RNF182: variants seen among roughly 807,000 people sequenced by gnomAD.
The protein encoded by RNF182 is E3 ubiquitin-protein ligase RNF182.
In RNF182, 15 loss-of-function variants were observed where a neutral mutation model predicts 14.4. The ratio of observed to expected loss-of-function variants is 1.04; its 90% CI spans 0.70 to 1.60. RNF182 has a LOEUF of 1.60. RNF182 is among the 40% of genes most tolerant of loss of function. The probability of loss-of-function intolerance (pLI) is 0.00; values close to 1 mark genes in which losing one functional copy is unlikely to be tolerated. For missense variants in RNF182, 268 were observed against 294.8 expected (o/e 0.91, Z 0.67); for synonymous variants, 128 against 122.9 (o/e 1.04, Z -0.27).
chr6:13,925,294 A>G (rs1349910451), intron 1 of RNF182: 2 of 151,226 alleles, frequency 1.3e-5, no homozygotes, highest in Non-Finnish European at 1.5e-5. Flanking sequence ...GCACCTGCTC[A>G]GGGAGCTGCC....
In RNF182 at chr6:13,977,985, T is replaced by A; in HGVS notation, c.*122T>A. 2 of 1,109,834 alleles carry A rather than the reference T, an allele frequency of 1.8e-6. No homozygotes were observed. The highest frequency in any genetic ancestry group is 2.5e-6 in the Non-Finnish European group (2 of 784,924). 68.7% of individuals were successfully genotyped at this position (1,109,834 alleles called of 1,614,324 possible). A position where few individuals can be genotyped will look rare whatever the true frequency, so the allele number is the denominator to read the frequency against. ...GTATCCATGACATTAACAAAACCCT[T>A]GGCCACATGTTGACTTGATTGGTTT... On this transcript the variant is annotated 3_prime_UTR_variant, in exon 3 of 3. Coordinates refer to ENST00000488300, the MANE Select transcript of RNF182 (RefSeq NM_152737.4).
At chr6:13,946,073 G>A (rs963228276) in intron 1 of RNF182, among the ~76,000 whole-genome samples, 2 of 151,732 alleles carry the variant, frequency 1.3e-5, no homozygotes, top group South Asian at 2.1e-4. Context: ...ACAAGGGTTT[G>A]TGACAAAGTA....
At chr6:13,941,318 T>TG (rs1300396547) in intron 1 of RNF182, among the ~76,000 whole-genome samples, 7 of 152,154 alleles carry the variant, frequency 4.6e-5, no homozygotes, top group Admixed American at 4.6e-4. Context: ...GCTCTCATAA[T>TG]GGTTCTTGAC....
intron 1 of RNF182, among the ~76,000 whole-genome samples, chr6:13,950,020 C>T (rs1414175758): frequency 6.6e-6 from 1 of 152,178 alleles, no homozygotes; most frequent in Non-Finnish European, 1.5e-5. Context: ...TTCTATCTAA[C>T]TTAAAATAAT....
intron 1 of RNF182, among the ~76,000 whole-genome samples, chr6:13,929,571 T>C (rs1758914480): frequency 6.6e-6 from 1 of 152,252 alleles, no homozygotes; most frequent in South Asian, 2.1e-4. Flanking sequence ...ATCAAACCTT[T>C]ATGAATTCTT....
intron 1 of RNF182, among the ~76,000 whole-genome samples, chr6:13,931,172 C>A (rs1013784455): frequency 3.3e-5 from 5 of 152,078 alleles, no homozygotes; most frequent in African/African-American, 1.2e-4. Context: ...AGACAGAGAA[C>A]CCCTATCCTC....
At position 13,938,981 on chromosome 6, in the gene RNF182, G is replaced by A. The variant is rs1759214241; in HGVS notation, c.-367+13958G>A. ...GCCTGTAATCCCAGCTACTTGGGTG[G>A]CTGAGGCATGTGAATTGCTTGAACC... On this transcript the variant is annotated intron_variant, in intron 1 of 2. Transcript: ENST00000488300. Among the ~76,000 whole-genome samples, 4 of 152,284 alleles carry A rather than the reference G, an allele frequency of 2.6e-5. No homozygotes were observed. The South Asian group carries it at 8.3e-4, about 32-fold the overall frequency.
chr6:13,965,127 A>G (rs1209360965), intron 1 of RNF182, among the ~76,000 whole-genome samples: 4 of 152,224 alleles, frequency 2.6e-5, no homozygotes, highest in African/African-American at 9.6e-5. Flanking sequence ...AAATAGAAAG[A>G]GCACATAAGG....
At chr6:13,937,889 C>T (rs2113590962) in intron 1 of RNF182, among the ~76,000 whole-genome samples, 1 of 151,860 alleles carries the variant, frequency 6.6e-6, no homozygotes, top group South Asian at 2.1e-4. Flanking sequence ...TTGTACTTTC[C>T]TAATAAGTGA....
intron 1 of RNF182, among the ~76,000 whole-genome samples, chr6:13,958,215 G>A (rs562135102): frequency 5.2e-4 from 79 of 152,054 alleles, no homozygotes; most frequent in Middle Eastern, 3.4e-3. Flanking sequence ...GTGAAACCCC[G>A]TCTCTATTAA....
At position 13,932,407 on chromosome 6, in the gene RNF182, A is replaced by G. The variant is rs536417149; in HGVS notation, c.-367+7384A>G. Among the ~76,000 whole-genome samples the G allele has an allele frequency of 2.0e-5, 3 of 152,318 alleles. No homozygotes were observed. The South Asian group carries it at 6.2e-4, about 32-fold the overall frequency. On this transcript the variant is annotated intron_variant, in intron 1 of 2. Coordinates refer to ENST00000488300, the MANE Select transcript of RNF182 (RefSeq NM_152737.4). ...TCACTTTTTCTTTGACTAAACTTTAATTCAAATTGAACAGATTGGATTTCT... is the reference window on the plus strand; with the variant it reads ...TCACTTTTTCTTTGACTAAACTTTAGTTCAAATTGAACAGATTGGATTTCT...
intron 1 of RNF182, among the ~76,000 whole-genome samples, chr6:13,965,067 A>T (rs1759985101): frequency 6.6e-6 from 1 of 152,250 alleles, no homozygotes; most frequent in Non-Finnish European, 1.5e-5. Flanking sequence ...GACAGAACTC[A>T]CGCTGAATGT....
chr6:13,927,210 T>G (rs1758852598), intron 1 of RNF182, among the ~76,000 whole-genome samples: 1 of 152,188 alleles, frequency 6.6e-6, no homozygotes, highest in African/African-American at 2.4e-5. Flanking sequence ...AACAATAATC[T>G]GGCATGTTTA....
At chr6:13,952,489 C>T (rs1759619548) in intron 1 of RNF182, among the ~76,000 whole-genome samples, 1 of 152,126 alleles carries the variant, frequency 6.6e-6, no homozygotes, top group East Asian at 1.9e-4. Context: ...GGGAGGGATG[C>T]TAACCCTTCT....
At chr6:13,958,145 T>C (rs1200093726) in intron 1 of RNF182, among the ~76,000 whole-genome samples, 1 of 152,116 alleles carries the variant, frequency 6.6e-6, no homozygotes, top group Admixed American at 6.6e-5. Context: ...TATAATCTGT[T>C]GGGAGGCCGA....
In RNF182 at chr6:13,977,336, C is replaced by T; in HGVS notation, c.217C>T (p.Leu73=). ...TCCTTTCTGCAGGTTTGAGACGTGC[C>T]TGCCAGATGATGAAGTTAGTAGCCT... ...VCPFCRFETC[L]PDDEVSSLPD... Residue 73 remains leucine (L), a synonymous_variant, in exon 3 of 3, where the codon CTG becomes TTG. Coordinates refer to ENST00000488300, the MANE Select transcript of RNF182 (RefSeq NM_152737.4). 6.2e-7 allele frequency: 1 copy of T among 1,614,198 alleles called. No individual in the cohort carries two copies. Among genetic ancestry groups the T allele is most frequent in the Non-Finnish European group, 8.5e-7 (1 of 1,180,030 alleles).
At chr6:13,954,883 G>C (rs1000371833) in intron 1 of RNF182, among the ~76,000 whole-genome samples, 1 of 152,146 alleles carries the variant, frequency 6.6e-6, no homozygotes, top group Admixed American at 6.5e-5. Flanking sequence ...TGGCAAGAAG[G>C]CCTGTGAAGG....
chr6:13,945,133 T>C lies in RNF182; in HGVS notation c.-367+20110T>C, dbSNP rs1444188027. 4.6e-5 allele frequency among the ~76,000 whole-genome samples: 7 copies of C among 152,186 alleles called. No individual in the cohort carries two copies. The South Asian group carries it at 8.3e-4, about 18-fold the overall frequency. ...TGCTCTTAGTTATAGAGCCCTGTTATGTTGGAGCTGGAAGGTCTTTAGCCA... is the reference window on the plus strand; with the variant it reads ...TGCTCTTAGTTATAGAGCCCTGTTACGTTGGAGCTGGAAGGTCTTTAGCCA... On this transcript the variant is annotated intron_variant, in intron 1 of 2. Transcript: ENST00000488300.
intron 1 of RNF182, among the ~76,000 whole-genome samples, chr6:13,926,083 A>T (rs954865845): frequency 6.6e-6 from 1 of 152,202 alleles, no homozygotes; most frequent in African/African-American, 2.4e-5. Context: ...TGTTAATAAG[A>T]TTTGTTTTAA....
Sources: gnomAD v4.1 joint callset for allele counts (sites outside exome capture counted in the v4.1 genomes callset) on GRCh38, gnomAD v4.1.1 for gene constraint, MANE v1.5 for transcripts, NCBI Gene and HGNC (gene_info 2026-07-23, HGNC 2026-07-21) for gene names.